LRRC37A2: variants seen among roughly 807,000 people sequenced by gnomAD.
LRRC37A2 encodes leucine rich repeat containing 37 member A2, also known as leucine-rich repeat-containing protein 37A2.
LRRC37A2 carries 9 observed loss-of-function variants against 68.8 expected under a neutral mutation model. The observed-to-expected ratio is 0.13, with a 90% CI of 0.08 to 0.23. The LOEUF is 0.23. Among genes scored for constraint, LRRC37A2 ranks in the 10% least tolerant of loss-of-function variants. LRRC37A2 has a pLI of 1.00. For missense variants in LRRC37A2, 168 were observed against 950.4 expected (o/e 0.18, Z 10.82); for synonymous variants, 63 against 367.6 (o/e 0.17, Z 9.48).
At chr17:46,962,032 T>C in the LRRC37A2 span, among the ~76,000 whole-genome samples, 3 of 152,026 alleles carry the variant, frequency 2.0e-5, no homozygotes, top group East Asian at 5.8e-4. Context: ...TAGTTGGAAT[T>C]CCAAAAATAA....
At chr17:46,541,564 AT>A (rs1461616499) in intron 8 of LRRC37A2, among the ~76,000 whole-genome samples, 1 of 150,658 alleles carries the variant, frequency 6.6e-6, no homozygotes, top group East Asian at 1.9e-4. Flanking sequence ...ACTCAGCAGA[AT>A]TTTTTTTGAG....
At chr17:47,031,028 AAG>A in the LRRC37A2 span, among the ~76,000 whole-genome samples, 1 of 151,910 alleles carries the variant, frequency 6.6e-6, no homozygotes, top group Non-Finnish European at 1.5e-5. Context: ...ATGTTTTTAC[AAG>A]ATAAGGCTCA....
the LRRC37A2 span, among the ~76,000 whole-genome samples, chr17:46,857,921 T>TTGC: frequency 1.8e-5 from 1 of 54,718 alleles, no homozygotes; most frequent in Non-Finnish European, 2.7e-5. Context: ...TTTATGTATT[T>TTGC]TGTTGTTGTT....
the LRRC37A2 span, among the ~76,000 whole-genome samples, chr17:47,030,088 A>ATCATCATC: frequency 2.8e-5 from 3 of 107,140 alleles, 1 homozygote; most frequent in African/African-American, 1.2e-4. Flanking sequence ...TAATAATAAT[A>ATCATCATC]ATCATCATCA....
At chr17:46,704,809 G>C in the LRRC37A2 span, 4 of 1,609,698 alleles carry the variant, frequency 2.5e-6, no homozygotes, top group South Asian at 4.4e-5. Context: ...GCCTGCAAGT[G>C]ACGAGAGGAG....
At chr17:46,770,358 C>CAG in the LRRC37A2 span, among the ~76,000 whole-genome samples, 1 of 152,214 alleles carries the variant, frequency 6.6e-6, no homozygotes, top group Non-Finnish European at 1.5e-5. Flanking sequence ...CAGGTTGCTG[C>CAG]AGAGATAAGG....
the LRRC37A2 span, among the ~76,000 whole-genome samples, chr17:46,866,489 T>C: frequency 6.6e-6 from 1 of 151,882 alleles, no homozygotes; most frequent in Non-Finnish European, 1.5e-5. Context: ...TATTTGTGTG[T>C]GTAGGGGGAT....
the LRRC37A2 span, among the ~76,000 whole-genome samples, chr17:47,040,576 G>A: frequency 1.9e-5 from 2 of 107,500 alleles, no homozygotes; most frequent in African/African-American, 6.4e-5. Flanking sequence ...TGCCACTAAA[G>A]TATCTCCTTG....
At chr17:47,027,500 A>C in the LRRC37A2 span, 11 of 822,186 alleles carry the variant, frequency 1.3e-5, no homozygotes, top group Admixed American at 1.1e-4. Flanking sequence ...GCTATTATTC[A>C]TACCAATCAA....
the LRRC37A2 span, chr17:46,940,537 GGCTGTCCTGTCCC>G: frequency 1.2e-6 from 2 of 1,614,020 alleles, no homozygotes; most frequent in Non-Finnish European, 1.7e-6. Flanking sequence ...GCGACGGCAA[GGCTGTCCTGTCCC>G]CCAGGCACCC....
the LRRC37A2 span, among the ~76,000 whole-genome samples, chr17:46,947,140 T>C: frequency 6.6e-6 from 1 of 152,000 alleles, no homozygotes; most frequent in Non-Finnish European, 1.5e-5. Flanking sequence ...GACCCTGACA[T>C]GAATGTGGAT....
At chr17:46,659,557 A>G in the LRRC37A2 span, among the ~76,000 whole-genome samples, 3 of 144,522 alleles carry the variant, frequency 2.1e-5, no homozygotes, top group South Asian at 2.1e-4. Context: ...GCACTTTACT[A>G]AAAAATCACT....
the LRRC37A2 span, among the ~76,000 whole-genome samples, chr17:46,993,450 A>G: frequency 6.6e-6 from 1 of 152,266 alleles, no homozygotes; most frequent in Non-Finnish European, 1.5e-5. Context: ...GGTGCTCAAC[A>G]AAAGTTGCTT....
At chr17:46,996,514 C>T in the LRRC37A2 span, among the ~76,000 whole-genome samples, 2 of 152,242 alleles carry the variant, frequency 1.3e-5, no homozygotes, top group East Asian at 3.9e-4. Flanking sequence ...CATGGTGAGG[C>T]TGAACTGCAT....
At chr17:46,893,203 G>A in the LRRC37A2 span, among the ~76,000 whole-genome samples, 1 of 152,178 alleles carries the variant, frequency 6.6e-6, no homozygotes, top group Non-Finnish European at 1.5e-5. Context: ...CAAAGTGCTA[G>A]GATTACAGGC....
the LRRC37A2 span, among the ~76,000 whole-genome samples, chr17:46,822,477 G>A: frequency 6.6e-6 from 1 of 152,230 alleles, no homozygotes; most frequent in Non-Finnish European, 1.5e-5. Context: ...CGCGGAGGTC[G>A]GCTCAGAGCC....
the LRRC37A2 span, among the ~76,000 whole-genome samples, chr17:46,943,534 A>G: frequency 6.6e-6 from 1 of 152,202 alleles, no homozygotes; most frequent in Non-Finnish European, 1.5e-5. Context: ...CCTCCCCTCC[A>G]AACAACCTCA....
chr17:46,737,975 C>T, the LRRC37A2 span, among the ~76,000 whole-genome samples: 1 of 151,250 alleles, frequency 6.6e-6, no homozygotes, highest in Non-Finnish European at 1.5e-5. Context: ...TGCTGTGTTG[C>T]CCAGGGTGGA....
the LRRC37A2 span, among the ~76,000 whole-genome samples, chr17:46,703,653 C>G: frequency 7.2e-6 from 1 of 138,168 alleles, no homozygotes; most frequent in Non-Finnish European, 1.5e-5. Context: ...TGCACTCCAG[C>G]CTGGGGGACA....
Sources: gnomAD v4.1 joint callset for allele counts (sites outside exome capture counted in the v4.1 genomes callset) on GRCh38, gnomAD v4.1.1 for gene constraint, MANE v1.5 for transcripts, NCBI Gene and HGNC (gene_info 2026-07-23, HGNC 2026-07-21) for gene names.